EPB41L4A: variants seen among roughly 807,000 people sequenced by gnomAD.
EPB41L4A encodes the protein band 4.1-like protein 4A.
In EPB41L4A, 100 loss-of-function variants were observed where a neutral mutation model predicts 108.6. The ratio of observed to expected loss-of-function variants is 0.92; its 90% CI spans 0.78 to 1.09. EPB41L4A has a LOEUF of 1.09. Ranked by LOEUF, EPB41L4A falls within the 50% of genes least tolerant of loss-of-function variation. EPB41L4A has a pLI of 0.00. For synonymous variants in EPB41L4A, 319 were observed against 289.0 expected (o/e 1.10, Z -1.05); for missense variants, 1,030 against 842.7 (o/e 1.22, Z -2.75).
At chr5:112,413,068 A>T (rs1022827663) in intron 1 of EPB41L4A, among the ~76,000 whole-genome samples, 3 of 152,230 alleles carry the variant, frequency 2.0e-5, no homozygotes, top group Admixed American at 6.5e-5. Flanking sequence ...CATGGTTCTC[A>T]GTTTCAAGAA....
chr5:112,155,759 C>G (rs546828933), intron 12 of EPB41L4A, among the ~76,000 whole-genome samples: 1 of 152,080 alleles, frequency 6.6e-6, no homozygotes, highest in South Asian at 2.1e-4. Context: ...TATTTGGGGG[C>G]CAGGAAGCAA....
intron 3 of EPB41L4A, among the ~76,000 whole-genome samples, chr5:112,279,974 T>A (rs1752862282): frequency 6.6e-6 from 1 of 152,184 alleles, no homozygotes; most frequent in Non-Finnish European, 1.5e-5. Context: ...TTTGCCTTTT[T>A]TGTTTTAAGG....
chr5:112,365,183 T>C (rs1281874869), intron 1 of EPB41L4A, among the ~76,000 whole-genome samples: 1 of 152,114 alleles, frequency 6.6e-6, no homozygotes, highest in Admixed American at 6.5e-5. Flanking sequence ...GCATCAATTT[T>C]TATTATTTTA....
intron 1 of EPB41L4A, among the ~76,000 whole-genome samples, chr5:112,338,792 T>A (rs1246334816): frequency 6.6e-6 from 1 of 152,190 alleles, no homozygotes; most frequent in South Asian, 2.1e-4. Flanking sequence ...ACGTCCACTA[T>A]TGTTTTACAC....
At chr5:112,336,485 G>A (rs576782806) in intron 1 of EPB41L4A, among the ~76,000 whole-genome samples, 1 of 152,184 alleles carries the variant, frequency 6.6e-6, no homozygotes, top group Non-Finnish European at 1.5e-5. Flanking sequence ...GCTTCAAAGT[G>A]GGGTGATTCT....
At chr5:112,165,947 A>C (rs1473460813) in intron 22 of EPB41L4A, among the ~76,000 whole-genome samples, 1 of 152,220 alleles carries the variant, frequency 6.6e-6, no homozygotes, top group Non-Finnish European at 1.5e-5. Flanking sequence ...CTATCATGGG[A>C]AGCATGAACC....
intron 1 of EPB41L4A, 98 bp from the exon 2 acceptor site, chr5:112,307,588 A>T: frequency 1.4e-6 from 1 of 728,824 alleles, no homozygotes; most frequent in Non-Finnish European, 2.3e-6. Flanking sequence ...CACTCACAAT[A>T]GCAGCAATTG....
chr5:112,370,303 T>C (rs1164173207), intron 1 of EPB41L4A, among the ~76,000 whole-genome samples: 3 of 151,786 alleles, frequency 2.0e-5, no homozygotes, highest in Admixed American at 6.6e-5. Flanking sequence ...TCCCGAAGTG[T>C]TGGGATTACA....
rs746730641 is a variant in EPB41L4A at position 112,194,556 on chromosome 5, T to C, written c.1502+12A>G. ...TTCAGAGTGCCAGTTAATTATAATA[T>C]TGAGATATTACCTGTTTCTCTTTTT... On this transcript the variant is annotated intron_variant, in intron 17 of 22. Coordinates refer to ENST00000261486, the MANE Select transcript of EPB41L4A (RefSeq NM_022140.5). The C allele has an allele frequency of 1.3e-5, 19 of 1,471,564 alleles. No individual in the cohort carries two copies. The South Asian group carries it at 1.9e-4, about 15-fold the overall frequency. The allele number at this position is 1,471,564 out of a possible 1,614,324, so 91.2% of individuals were successfully genotyped here.
chr5:112,276,473 C>T (rs1752636899), intron 3 of EPB41L4A, among the ~76,000 whole-genome samples: 1 of 152,122 alleles, frequency 6.6e-6, no homozygotes, highest in Non-Finnish European at 1.5e-5. Context: ...CCAAGCTGTG[C>T]AGTAACTAGA....
At chr5:112,256,719 C>T (rs2150427114) in intron 9 of EPB41L4A, 1 of 152,184 alleles carries the variant, frequency 6.6e-6, no homozygotes, top group Middle Eastern at 3.4e-3. Context: ...TACAAAACCA[C>T]ATAGGGGATA....
intron 1 of EPB41L4A, among the ~76,000 whole-genome samples, chr5:112,352,948 C>T (rs750345868): frequency 1.1e-4 from 17 of 152,124 alleles, no homozygotes; most frequent in Non-Finnish European, 1.8e-4. Context: ...CTTCTTCTTC[C>T]AATTCTTTGG....
At chr5:112,333,354 T>C (rs1381436779) in intron 1 of EPB41L4A, among the ~76,000 whole-genome samples, 4 of 152,188 alleles carry the variant, frequency 2.6e-5, no homozygotes, top group Non-Finnish European at 5.9e-5. Flanking sequence ...AACTGCATGC[T>C]GACCTTACCA....
In EPB41L4A at chr5:112,204,360, T is replaced by A. The variant is rs141792665; in HGVS notation, c.1376+15A>T. On this transcript the variant is annotated intron_variant, in intron 15 of 22. Transcript: ENST00000261486. The stretch of plus-strand genomic sequence containing the variant: ...CTGTTGAAAGCTGCTAACAGAGAGA[T>A]TGTGTTCCGCTTACCTCCTCCTCAC... The A allele has an allele frequency of 1.3e-5, 20 of 1,562,724 alleles. 1 individual carries two copies. In the Middle Eastern group the frequency reaches 1.2e-3, roughly 92 times the overall value.
At chr5:112,353,490 G>A (rs1376413660) in intron 1 of EPB41L4A, among the ~76,000 whole-genome samples, 1 of 152,014 alleles carries the variant, frequency 6.6e-6, no homozygotes, top group Non-Finnish European at 1.5e-5. Flanking sequence ...GTGATGAGCT[G>A]AGCAGGCCAG....
At chr5:112,253,336 C>T (rs1333259526) in intron 9 of EPB41L4A, among the ~76,000 whole-genome samples, 2 of 152,076 alleles carry the variant, frequency 1.3e-5, no homozygotes, top group Admixed American at 6.6e-5. Flanking sequence ...CATGAGGAAA[C>T]AGCTGAAAAA....
intron 1 of EPB41L4A, among the ~76,000 whole-genome samples, chr5:112,376,216 T>C (rs922452400): frequency 3.9e-5 from 6 of 152,088 alleles, no homozygotes; most frequent in African/African-American, 1.2e-4. Context: ...GCAAAACACA[T>C]AAGAGGATAT....
At chr5:112,198,041 CTTTTT>C (rs917369857) in intron 15 of EPB41L4A, among the ~76,000 whole-genome samples, 1 of 150,120 alleles carries the variant, frequency 6.7e-6, no homozygotes, top group East Asian at 1.9e-4. Flanking sequence ...ATTTTTTTTT[CTTTTT>C]TTTTGAGACG....
At chr5:112,293,812 T>C (rs752348070) in intron 2 of EPB41L4A, among the ~76,000 whole-genome samples, 3 of 152,338 alleles carry the variant, frequency 2.0e-5, no homozygotes, top group Non-Finnish European at 2.9e-5. Flanking sequence ...TCTCATGGTG[T>C]TTCACATGAC....
Sources: allele counts gnomAD v4.1 joint callset (sites outside exome capture counted in the v4.1 genomes callset), GRCh38; gene constraint gnomAD v4.1.1; transcripts MANE v1.5; gene names NCBI Gene and HGNC (gene_info 2026-07-23, HGNC 2026-07-21).